Variants in R3HDM2 observed in about 807,000 individuals in gnomAD.
R3HDM2 encodes R3H domain containing 2.
In R3HDM2, 38 loss-of-function variants were observed where a neutral mutation model predicts 124.5. The ratio of observed to expected loss-of-function variants is 0.31; its 90% CI spans 0.24 to 0.40. R3HDM2 has a LOEUF of 0.40. R3HDM2 is among the 10% of genes least tolerant of loss of function. R3HDM2 has a pLI of 1.00. For missense variants in R3HDM2, 869 were observed against 1,236.9 expected (o/e 0.70, Z 4.46); for synonymous variants, 391 against 448.0 (o/e 0.87, Z 1.61).
chr12:57,367,998 A>T (rs1432103527), intron 2 of R3HDM2, among the ~76,000 whole-genome samples: 1 of 151,302 alleles, frequency 6.6e-6, no homozygotes, highest in Admixed American at 6.6e-5. Flanking sequence ...GGTCTGATTC[A>T]GTTGTTTCTG....
chr12:57,425,608 T>C (rs953235383), intron 1 of R3HDM2, among the ~76,000 whole-genome samples: 2 of 151,920 alleles, frequency 1.3e-5, no homozygotes, highest in Non-Finnish European at 2.9e-5. Flanking sequence ...AAGACCAGCC[T>C]GGCCAACATG....
intron 2 of R3HDM2, among the ~76,000 whole-genome samples, chr12:57,395,364 C>CGTG (rs34083141): frequency 0.43 from 65,515 of 151,268 alleles, 14,899 homozygotes; most frequent in South Asian, 0.52. Context: ...ACTAGCCGGG[C>CGTG]GTGGTGGTGC....
At chr12:57,302,485 G>A (rs2051432060) in intron 4 of R3HDM2, among the ~76,000 whole-genome samples, 1 of 150,928 alleles carries the variant, frequency 6.6e-6, no homozygotes, top group South Asian at 2.1e-4. Flanking sequence ...GACCAACATG[G>A]TGAAACCTCA....
In R3HDM2 at chr12:57,361,044, G is replaced by A. The variant is rs537262763; in HGVS notation, c.-36+34705C>T. Among the ~76,000 whole-genome samples, 130 of 57,784 alleles carry A rather than the reference G, an allele frequency of 2.2e-3. 1 individual carries two copies. The East Asian group carries it at 0.025, about 11-fold the overall frequency. The allele number at this position is 57,784 out of a possible 152,430, so 37.9% of individuals were successfully genotyped here. A position where few individuals can be genotyped will look rare whatever the true frequency, so the allele number is the denominator to read the frequency against. ...CAGCCTGGGCAACAGAGCAAGACAC[G>A]TCTCAAAAAAAAAAAAAAAAAAAAA... On this transcript the variant is annotated intron_variant, in intron 2 of 23. Coordinates refer to ENST00000402412, the MANE Select transcript of R3HDM2 (RefSeq NM_001394031.1).
chr12:57,280,211 C>A, intron 14 of R3HDM2, 147 bp downstream of exon 14: 1 of 913,652 alleles, frequency 1.1e-6, no homozygotes, highest in Non-Finnish European at 1.6e-6. Context: ...TCTTTCCCTA[C>A]AACTAACAAA....
intron 2 of R3HDM2, among the ~76,000 whole-genome samples, chr12:57,386,922 T>G (rs1345607373): frequency 2.0e-5 from 3 of 152,114 alleles, no homozygotes; most frequent in Admixed American, 2.0e-4. Context: ...AGAACCTTTA[T>G]GTCTAGCTAA....
intron 2 of R3HDM2, among the ~76,000 whole-genome samples, chr12:57,344,818 G>GT (rs1357941312): frequency 6.6e-6 from 1 of 151,694 alleles, no homozygotes; most frequent in East Asian, 1.9e-4. Flanking sequence ...AACTTCTCCT[G>GT]TTTTTTTGTT....
chr12:57,342,499 C>G (rs1166461742), intron 2 of R3HDM2, among the ~76,000 whole-genome samples: 1 of 151,400 alleles, frequency 6.6e-6, no homozygotes, highest in Admixed American at 6.6e-5. Context: ...CACACAGACA[C>G]ACACACACAC....
chr12:57,285,360 A>G (rs1019440187), intron 12 of R3HDM2, among the ~76,000 whole-genome samples: 2 of 152,144 alleles, frequency 1.3e-5, no homozygotes, highest in South Asian at 2.1e-4. Context: ...AGTCAAGCCA[A>G]TCACGATGAG....
chr12:57,391,572 A>T (rs1322348507), intron 2 of R3HDM2, among the ~76,000 whole-genome samples: 2 of 152,228 alleles, frequency 1.3e-5, no homozygotes, highest in Admixed American at 1.3e-4. Flanking sequence ...ACCGACATAC[A>T]CAAATACAAG....
intron 2 of R3HDM2, among the ~76,000 whole-genome samples, chr12:57,357,704 T>C (rs2061456799): frequency 6.6e-6 from 1 of 151,568 alleles, no homozygotes. Context: ...CTTTACAATT[T>C]CCTCTCCTTT....
intron 2 of R3HDM2, among the ~76,000 whole-genome samples, chr12:57,347,950 T>C (rs1180727234): frequency 6.6e-6 from 1 of 152,092 alleles, no homozygotes. Flanking sequence ...GATGAGGTCT[T>C]GCCTAGGTGA....
At chr12:57,311,376 C>T (rs2139104812) in intron 2 of R3HDM2, among the ~76,000 whole-genome samples, 1 of 126,470 alleles carries the variant, frequency 7.9e-6, no homozygotes, top group South Asian at 2.5e-4. Context: ...CAGGTGCCCG[C>T]CACCACGCTC....
intron 2 of R3HDM2, among the ~76,000 whole-genome samples, chr12:57,337,205 G>A (rs544415342): frequency 1.3e-5 from 2 of 152,148 alleles, no homozygotes; most frequent in African/African-American, 4.8e-5. Context: ...CAGGTTGGAT[G>A]GAGTATAGTG....
At chr12:57,412,773 A>T (rs1175295034) in intron 1 of R3HDM2, among the ~76,000 whole-genome samples, 1 of 152,128 alleles carries the variant, frequency 6.6e-6, no homozygotes, top group East Asian at 1.9e-4. Flanking sequence ...TGGGAGGCCG[A>T]GGCGGGCAGA....
chr12:57,312,136 A>C (rs960502696), intron 2 of R3HDM2, among the ~76,000 whole-genome samples: 2 of 152,160 alleles, frequency 1.3e-5, no homozygotes, highest in African/African-American at 4.8e-5. Context: ...GGAATTAAAT[A>C]AACAGACAAA....
intron 12 of R3HDM2, among the ~76,000 whole-genome samples, chr12:57,286,421 G>A (rs1049208234): frequency 6.6e-6 from 1 of 152,144 alleles, no homozygotes; most frequent in African/African-American, 2.4e-5. Context: ...AACATAAACT[G>A]GGCCAGAAAG....
At chr12:57,371,083 CTTTTTTTTTTTTTTTTTTTTTTTTT>C (rs775839017) in intron 2 of R3HDM2, among the ~76,000 whole-genome samples, 2 of 40,898 alleles carry the variant, frequency 4.9e-5, no homozygotes, top group East Asian at 1.0e-3. Context: ...TATACCATTA[CTTTTTTTTTTTTTTTTTTTTTTTTT>C]TTTTTAAGAT....
At chr12:57,263,013 C>CTTT (rs1478339430) in intron 19 of R3HDM2, among the ~76,000 whole-genome samples, 5 of 152,184 alleles carry the variant, frequency 3.3e-5, no homozygotes, top group Non-Finnish European at 4.4e-5. Context: ...TTAATTATCT[C>CTTT]TTTCTTCTAA....
Sources: gnomAD v4.1 joint callset for allele counts (sites outside exome capture counted in the v4.1 genomes callset) on GRCh38, gnomAD v4.1.1 for gene constraint, MANE v1.5 for transcripts, NCBI Gene and HGNC (gene_info 2026-07-23, HGNC 2026-07-21) for gene names.